ATP10A: variants seen among roughly 807,000 people sequenced by gnomAD.
The protein encoded by ATP10A is phospholipid-transporting ATPase VA.
Under a neutral mutation model 147.8 loss-of-function variants are expected in ATP10A, and 111 were observed. The observed-to-expected ratio is 0.75, with a 90% confidence interval of 0.64 to 0.88. The LOEUF is 0.88. Among genes scored for constraint, ATP10A ranks in the 40% least tolerant of loss-of-function variants. The pLI is 0.00. For synonymous variants in ATP10A, 875 were observed against 841.6 expected (o/e 1.04, Z -0.69); for missense variants, 1,927 against 1,959.0 (o/e 0.98, Z 0.31).
At chr15:25,771,667 T>C (rs371070311) in intron 2 of ATP10A, among the ~76,000 whole-genome samples, 2 of 152,198 alleles carry the variant, frequency 1.3e-5, no homozygotes, top group East Asian at 1.9e-4. Flanking sequence ...AAAGTGACCA[T>C]TCCCTGGCTG....
In ATP10A at chr15:25,708,195, A is replaced by G; in HGVS notation, c.2448+2T>C. On this transcript the variant is annotated splice_donor_variant, in intron 11 of 20. Transcript: ENST00000555815. LOFTEE classifies it high-confidence loss of function. ...CACCCTCGCGGAGACACCCCCACTC[A>G]CTCTCTTGGCGATGCACAAGGTGCG... 6.2e-7 allele frequency: 1 copy of G among 1,613,934 alleles called. No homozygotes were observed. The highest frequency in any genetic ancestry group is 8.5e-7 in the Non-Finnish European group (1 of 1,179,990).
chr15:25,810,859 G>A (rs747827186), intron 1 of ATP10A, among the ~76,000 whole-genome samples: 27 of 152,208 alleles, frequency 1.8e-4, no homozygotes, highest in South Asian at 6.2e-4. Flanking sequence ...CATCAACTAC[G>A]TCTGACAGCT....
intron 8 of ATP10A, 42 bp from the exon 9 acceptor site, chr15:25,716,966 C>G: frequency 6.8e-7 from 1 of 1,475,938 alleles, no homozygotes; most frequent in Non-Finnish European, 9.0e-7. Flanking sequence ...ACCCAGTAGC[C>G]TGCCGAGGAT....
chr15:25,691,654 TGACAGGACAAGAGG>T (rs1900041102), intron 15 of ATP10A, 47 bp downstream of exon 15: 2 of 1,558,880 alleles, frequency 1.3e-6, no homozygotes, highest in Non-Finnish European at 1.8e-6. Context: ...GCCCACAGGG[TGACAGGACAAGAGG>T]TCAGTAGGGC....
intron 3 of ATP10A, among the ~76,000 whole-genome samples, chr15:25,732,312 T>C (rs1006055213): frequency 1.3e-5 from 2 of 152,066 alleles, no homozygotes; most frequent in African/African-American, 4.8e-5. Context: ...CACGGTTCAC[T>C]GCAATCTCTG....
chr15:25,786,598 A>C (rs1159149352), intron 1 of ATP10A, among the ~76,000 whole-genome samples: 1 of 142,116 alleles, frequency 7.0e-6, no homozygotes, highest in African/African-American at 2.6e-5. Flanking sequence ...TCCTCTCAGC[A>C]TTGAGACATC....
intron 1 of ATP10A, among the ~76,000 whole-genome samples, chr15:25,825,681 T>G (rs1892083980): frequency 6.6e-6 from 1 of 152,046 alleles, no homozygotes. Context: ...TAAAAGTCAA[T>G]AAATAAACAA....
At chr15:25,732,226 T>C (rs901528692) in intron 3 of ATP10A, among the ~76,000 whole-genome samples, 4 of 152,146 alleles carry the variant, frequency 2.6e-5, no homozygotes, top group Non-Finnish European at 4.4e-5. Context: ...CCAGCTAATA[T>C]GAGAACATTT....
chr15:25,827,091 G>A lies in ATP10A; in HGVS notation c.449+35557C>T, dbSNP rs142996221. Among the ~76,000 whole-genome samples the A allele has an allele frequency of 6.6e-3, 1,002 of 152,304 alleles. 3 individuals carry two copies. Among genetic ancestry groups the A allele is most frequent in the Non-Finnish European group, 0.012 (791 of 68,022 alleles). On this transcript the variant is annotated intron_variant, in intron 1 of 20. Coordinates refer to ENST00000555815, the MANE Select transcript of ATP10A (RefSeq NM_024490.4). ...CTTCTGATCAGAAATCATGAAGGAC[G>A]TGAAGGACAAAATGGAGTCAGGTGA...
chr15:25,856,243 G>A (rs919973246), intron 1 of ATP10A, among the ~76,000 whole-genome samples: 1 of 152,116 alleles, frequency 6.6e-6, no homozygotes. Flanking sequence ...CCTCCATGCT[G>A]TTCTCGTGCT....
In ATP10A at chr15:25,679,405, C is replaced by T. The variant is rs780784865; in HGVS notation, c.4436G>A (p.Arg1479Gln). 4.3e-6 allele frequency: 7 copies of T among 1,612,004 alleles called. No individual in the cohort carries two copies. The highest frequency in any genetic ancestry group is 2.2e-5 in the East Asian group (1 of 44,810). The change falls in exon 21 of 21, where the codon CGA (arginine) becomes CAA (glutamine). Residue 1479 changes from arginine to glutamine, a missense_variant. By Grantham distance (43) the Arg-to-Gln change is conservative (BLOSUM62 1). Coordinates refer to ENST00000555815, the MANE Select transcript of ATP10A (RefSeq NM_024490.4). The part of the protein sequence containing the change: ...RGLPVQPHSG[R>Q]SGLQGPDHRL... ...GTGGTCTGGCCCTTGAAGTCCTGATCGGCCTGAGTGGGGCTGGACAGGAAG... is the reference window on the plus strand; with the variant it reads ...GTGGTCTGGCCCTTGAAGTCCTGATTGGCCTGAGTGGGGCTGGACAGGAAG...
chr15:25,760,744 A>G (rs1031275251), intron 2 of ATP10A, among the ~76,000 whole-genome samples: 1 of 152,252 alleles, frequency 6.6e-6, no homozygotes, highest in East Asian at 1.9e-4. Context: ...ACTTTGGGAG[A>G]CTGAGGCAGG....
chr15:25,684,689 C>G (rs776520810), intron 16 of ATP10A, among the ~76,000 whole-genome samples: 3 of 152,182 alleles, frequency 2.0e-5, no homozygotes, highest in Non-Finnish European at 4.4e-5. Flanking sequence ...ACAGTCCCAG[C>G]AGGGAACTCT....
chr15:25,771,562 T>C (rs1302144284), intron 2 of ATP10A, among the ~76,000 whole-genome samples: 1 of 152,126 alleles, frequency 6.6e-6, no homozygotes, highest in Non-Finnish European at 1.5e-5. Flanking sequence ...CCCAGAGATG[T>C]CTGCATAATT....
At chr15:25,773,309 T>TA (rs1342153721) in intron 2 of ATP10A, among the ~76,000 whole-genome samples, 2 of 152,180 alleles carry the variant, frequency 1.3e-5, no homozygotes, top group African/African-American at 4.8e-5. Context: ...AGCTGGCTCT[T>TA]ACCAATTCAC....
chr15:25,832,364 T>C (rs1328411440), intron 1 of ATP10A, among the ~76,000 whole-genome samples: 1 of 152,204 alleles, frequency 6.6e-6, no homozygotes, highest in African/African-American at 2.4e-5. Flanking sequence ...ATCTGAGTGC[T>C]ACTCTCCTAG....
chr15:25,764,786 C>T (rs1158113237), intron 2 of ATP10A, among the ~76,000 whole-genome samples: 1 of 152,186 alleles, frequency 6.6e-6, no homozygotes, highest in East Asian at 1.9e-4. Context: ...AGGGTTATCA[C>T]TCAGCCTATG....
rs1303421979 is a variant in ATP10A at position 25,680,813 on chromosome 15, G to A, written c.3675C>T (p.Thr1225=). 6.2e-7 allele frequency: 1 copy of A among 1,612,874 alleles called. No homozygotes were observed. The highest frequency in any genetic ancestry group is 8.5e-7 in the Non-Finnish European group (1 of 1,179,814). ...FLLHLGIETK[T]WTWLNWITCG... is the part of the protein sequence containing the mutation. ...TGGCCATGCAGGCGGCTCTTACCCA[G>A]GTTTTGGTTTCAATGCCCAGGTGGA... Residue 1225 remains threonine (T), a synonymous_variant, in exon 19 of 21, where the codon ACC becomes ACT. Transcript: ENST00000555815.
intron 16 of ATP10A, among the ~76,000 whole-genome samples, chr15:25,686,107 A>G (rs1266938791): frequency 6.6e-6 from 1 of 152,150 alleles, no homozygotes; most frequent in African/African-American, 2.4e-5. Flanking sequence ...AATCTGAATT[A>G]ATGTCTGGGA....
Sources: gnomAD v4.1 joint callset for allele counts (sites outside exome capture counted in the v4.1 genomes callset) on GRCh38, gnomAD v4.1.1 for gene constraint, MANE v1.5 for transcripts, NCBI Gene and HGNC (gene_info 2026-07-23, HGNC 2026-07-21) for gene names.